The following PTPRK variants were observed in gnomAD, a reference collection of about 807,000 sequenced individuals.
The protein encoded by PTPRK is protein tyrosine phosphatase receptor type K.
In PTPRK, 75 loss-of-function variants were observed where a neutral mutation model predicts 178.0. The observed-to-expected ratio is 0.42, with a 90% CI of 0.35 to 0.51. The LOEUF is 0.51. Among genes scored for constraint, PTPRK ranks in the 20% least tolerant of loss-of-function variants. The probability of loss-of-function intolerance (pLI) is 0.02; values close to 1 mark genes in which losing one functional copy is unlikely to be tolerated. For missense variants in PTPRK, 1,441 were observed against 1,797.8 expected, an observed-to-expected ratio of 0.80 and a Z score of 3.59; for synonymous variants, 637 against 620.6, an observed-to-expected ratio of 1.03 and a Z score of -0.39.
rs78072266 is a variant in PTPRK at position 128,490,451 on chromosome 6, G to A, written c.100+29808C>T. Among the ~76,000 whole-genome samples, 18 of 152,284 alleles carry A rather than the reference G, an allele frequency of 1.2e-4. No homozygotes were observed. In the East Asian group the frequency reaches 2.7e-3, roughly 23 times the overall value. Reference sequence around the variant, plus strand: ...AGTATTATACACTAGAACGCAGAGGGCTGGGTACAGAAAATAAGGGGAGGA... The same window carrying A: ...AGTATTATACACTAGAACGCAGAGGACTGGGTACAGAAAATAAGGGGAGGA... On this transcript the variant is annotated intron_variant, in intron 1 of 29. Coordinates refer to ENST00000368226, the MANE Select transcript of PTPRK (RefSeq NM_002844.4).
At chr6:128,078,156 G>C (rs9482874) in intron 11 of PTPRK, among the ~76,000 whole-genome samples, 6 of 151,920 alleles carry the variant, frequency 3.9e-5, no homozygotes, top group Admixed American at 1.3e-4. Flanking sequence ...TGGGACTAGA[G>C]GGGGGAAAAA....
chr6:128,424,104 G>A (rs566258118), intron 1 of PTPRK, among the ~76,000 whole-genome samples: 14 of 151,474 alleles, frequency 9.2e-5, no homozygotes, highest in African/African-American at 3.1e-4. Flanking sequence ...ATGCTGGCAG[G>A]TGCCTGTAGT....
rs139780696 is a variant in PTPRK at position 128,377,191 on chromosome 6, G to A, written c.223+20375C>T. On this transcript the variant is annotated intron_variant, in intron 2 of 29. Coordinates refer to ENST00000368226, the MANE Select transcript of PTPRK (RefSeq NM_002844.4). Reference sequence around the variant, plus strand: ...TTCACACTGCTGATAAAGATGTAACGTACCTGACGTTGGGTAATTTATGCA... The same window carrying A: ...TTCACACTGCTGATAAAGATGTAACATACCTGACGTTGGGTAATTTATGCA... Among the ~76,000 whole-genome samples, 12 of 152,246 alleles carry A rather than the reference G, an allele frequency of 7.9e-5. No individual in the cohort carries two copies. The East Asian group carries it at 9.7e-4, about 12-fold the overall frequency.
At chr6:128,164,896 C>A (rs534096876) in intron 7 of PTPRK, among the ~76,000 whole-genome samples, 1 of 151,196 alleles carries the variant, frequency 6.6e-6, no homozygotes, top group East Asian at 1.9e-4. Flanking sequence ...AAATATTTTC[C>A]ACATTTTCAA....
At chr6:128,437,148 T>C (rs1845702741) in intron 1 of PTPRK, among the ~76,000 whole-genome samples, 1 of 152,138 alleles carries the variant, frequency 6.6e-6, no homozygotes, top group Non-Finnish European at 1.5e-5. Context: ...AGGGACTAAG[T>C]TAATAGTGTT....
chr6:128,224,694 A>G (rs1810976315), intron 5 of PTPRK, among the ~76,000 whole-genome samples: 1 of 152,324 alleles, frequency 6.6e-6, no homozygotes, highest in South Asian at 2.1e-4. Flanking sequence ...GTATCGGTCC[A>G]TATTCTGGCC....
chr6:128,276,889 A>T (rs1261498214), intron 3 of PTPRK, among the ~76,000 whole-genome samples: 5 of 152,142 alleles, frequency 3.3e-5, no homozygotes, highest in African/African-American at 1.2e-4. Context: ...ACAAACCCTA[A>T]ATTTTAAGAA....
At position 127,973,069 on chromosome 6, in the gene PTPRK, C is replaced by T. The variant is rs1406208713; in HGVS notation, c.4222G>A (p.Ala1408Thr). The change falls in exon 29 of 30, where the codon GCA becomes ACA. Residue 1408 changes from alanine (A) to threonine (T), a missense_variant. Transcript: ENST00000368226. ...KRQNVVDVFHAVKTLRNSKPN... is the reference protein window; with the variant it reads ...KRQNVVDVFHTVKTLRNSKPN... ...TTGCTGTTCCTCAGTGTCTTTACTG[C>T]ATGGAAAACATCGACAACATTTTGC... The T allele has an allele frequency of 6.2e-7, 1 of 1,614,114 alleles. No individual in the cohort carries two copies.
chr6:128,153,150 G>GATT (rs1212606987), intron 7 of PTPRK, among the ~76,000 whole-genome samples: 3 of 151,920 alleles, frequency 2.0e-5, no homozygotes, highest in Non-Finnish European at 4.4e-5. Flanking sequence ...GAAATTAGTT[G>GATT]ATTAACAAGA....
intron 3 of PTPRK, among the ~76,000 whole-genome samples, chr6:128,320,036 G>T (rs1442535703): frequency 1.3e-5 from 2 of 152,096 alleles, no homozygotes; most frequent in African/African-American, 4.8e-5. Context: ...GCAACAATGA[G>T]ACATTTACCC....
intron 5 of PTPRK, among the ~76,000 whole-genome samples, chr6:128,228,442 C>CGAG (rs1811741388): frequency 6.8e-6 from 1 of 147,074 alleles, no homozygotes; most frequent in Admixed American, 6.8e-5. Context: ...GACAGGAGAT[C>CGAG]GAGACCATCC....
intron 7 of PTPRK, among the ~76,000 whole-genome samples, chr6:128,125,811 T>G (rs1793269121): frequency 6.6e-6 from 1 of 151,890 alleles, no homozygotes; most frequent in African/African-American, 2.4e-5. Context: ...GGTTTCACCA[T>G]GCTGGCCAGG....
At chr6:128,176,527 G>C (rs1801105045) in intron 7 of PTPRK, among the ~76,000 whole-genome samples, 2 of 151,762 alleles carry the variant, frequency 1.3e-5, no homozygotes, top group Admixed American at 6.6e-5. Flanking sequence ...TGCTTAGGGT[G>C]ACATAAAAGG....
intron 7 of PTPRK, among the ~76,000 whole-genome samples, chr6:128,095,283 T>C (rs534705550): frequency 1.1e-4 from 17 of 152,316 alleles, no homozygotes; most frequent in African/African-American, 1.4e-4. Context: ...TTGTATCCCA[T>C]ACATTTATAC....
At chr6:127,995,115 G>T in intron 18 of PTPRK, 1 of 873,124 alleles carries the variant, frequency 1.1e-6, no homozygotes, top group Non-Finnish European at 1.8e-6. Flanking sequence ...AAAACGAACA[G>T]AGATATATTG....
chr6:128,265,063 G>A (rs554490004), intron 3 of PTPRK, among the ~76,000 whole-genome samples: 9 of 152,052 alleles, frequency 5.9e-5, no homozygotes, highest in South Asian at 4.1e-4. Flanking sequence ...TATCAGCAGC[G>A]TGAAAACAGA....
intron 7 of PTPRK, among the ~76,000 whole-genome samples, chr6:128,116,987 A>T (rs918946825): frequency 6.6e-6 from 1 of 152,004 alleles, no homozygotes; most frequent in Non-Finnish European, 1.5e-5. Flanking sequence ...TCTACTAAAA[A>T]TACAAAAAAT....
At chr6:128,068,293 C>T (rs1440871296) in intron 11 of PTPRK, among the ~76,000 whole-genome samples, 2 of 151,756 alleles carry the variant, frequency 1.3e-5, no homozygotes, top group African/African-American at 4.8e-5. Context: ...GCTTCTCCAC[C>T]TCTTGACCTT....
rs183085830 is a variant in PTPRK at position 128,520,250 on chromosome 6, G to T, written c.100+9C>A. 6.7e-5 allele frequency: 106 copies of T among 1,578,754 alleles called. No individual in the cohort carries two copies. The African/African-American group carries it at 1.4e-3, about 21-fold the overall frequency. ...AGGCGTTCGTCGGGGACGCCCCCCG[G>T]CCACTCACCTGCGGAGAACTGGCCT... On this transcript the variant is annotated intron_variant, in intron 1 of 29. Transcript: ENST00000368226.
Sources: gnomAD v4.1 joint callset for allele counts (sites outside exome capture counted in the v4.1 genomes callset) on GRCh38, gnomAD v4.1.1 for gene constraint, MANE v1.5 for transcripts, NCBI Gene and HGNC (gene_info 2026-07-23, HGNC 2026-07-21) for gene names.